TMEM132D: variants seen among roughly 807,000 people sequenced by gnomAD.
TMEM132D encodes the protein mature OL transmembrane protein.
Under a neutral mutation model 62.3 loss-of-function variants are expected in TMEM132D, and 21 were observed. That is an observed-to-expected ratio of 0.34 (90% CI 0.24 to 0.49). TMEM132D has a LOEUF of 0.49. Among genes scored for constraint, TMEM132D ranks in the 20% least tolerant of loss-of-function variants. The pLI is 0.99. For missense variants in TMEM132D, 1,346 were observed against 1,402.8 expected, an observed-to-expected ratio of 0.96 and a Z score of 0.65; for synonymous variants, 621 against 575.6, an observed-to-expected ratio of 1.08 and a Z score of -1.13.
intron 1 of TMEM132D, among the ~76,000 whole-genome samples, chr12:129,739,287 C>G (rs1263469214): frequency 6.6e-6 from 1 of 152,158 alleles, no homozygotes; most frequent in African/African-American, 2.4e-5. Flanking sequence ...CTCAGGGAAA[C>G]AGGTGTGGGT....
At chr12:129,397,433 T>C (rs2135698145) in intron 3 of TMEM132D, among the ~76,000 whole-genome samples, 1 of 152,264 alleles carries the variant, frequency 6.6e-6, no homozygotes, top group East Asian at 1.9e-4. Flanking sequence ...GCATGTAAAC[T>C]TTCTGACGAA....
intron 3 of TMEM132D, among the ~76,000 whole-genome samples, chr12:129,489,861 C>G (rs1874708679): frequency 2.6e-5 from 4 of 152,274 alleles, no homozygotes; most frequent in Middle Eastern, 6.8e-3. Flanking sequence ...CAATAATTTT[C>G]CAGACAACTG....
chr12:129,770,744 C>T (rs1252532210), intron 1 of TMEM132D, among the ~76,000 whole-genome samples: 1 of 152,126 alleles, frequency 6.6e-6, no homozygotes, highest in Non-Finnish European at 1.5e-5. Flanking sequence ...CAAAATCATC[C>T]ACCATAAAAC....
rs1307669161 is a variant in TMEM132D at position 129,823,661 on chromosome 12, T to C, written c.79+79600A>G. The stretch of plus-strand genomic sequence containing the variant: ...GAACACAGAGGCAGGTCAGTGTGTT[T>C]AGAATTCAGCTGTAGGAAGAATCGT... On this transcript the variant is annotated intron_variant, in intron 1 of 8. Transcript: ENST00000422113. 2.6e-5 allele frequency among the ~76,000 whole-genome samples: 4 copies of C among 152,326 alleles called. No individual in the cohort carries two copies. The East Asian group carries it at 7.7e-4, about 29-fold the overall frequency.
chr12:129,315,798 A>G (rs935400950), intron 4 of TMEM132D, among the ~76,000 whole-genome samples: 7 of 152,074 alleles, frequency 4.6e-5, no homozygotes, highest in African/African-American at 1.4e-4. Flanking sequence ...TAATTTTTAA[A>G]TTACCATTTC....
At chr12:129,466,352 G>A (rs998165730) in intron 3 of TMEM132D, among the ~76,000 whole-genome samples, 2 of 140,468 alleles carry the variant, frequency 1.4e-5, no homozygotes, top group African/African-American at 5.4e-5. Context: ...CTGTCACACA[G>A]GCTGGAGTGC....
intron 3 of TMEM132D, among the ~76,000 whole-genome samples, chr12:129,389,003 C>T (rs1382474139): frequency 1.6e-5 from 2 of 126,526 alleles, no homozygotes; most frequent in East Asian, 2.0e-4. Flanking sequence ...ACAGCAACAC[C>T]GATACTAACA....
intron 4 of TMEM132D, among the ~76,000 whole-genome samples, chr12:129,233,482 G>C (rs1222157551): frequency 1.3e-5 from 2 of 151,470 alleles, no homozygotes; most frequent in Non-Finnish European, 2.9e-5. Context: ...GTGAGGTCAG[G>C]ATTGATTCTA....
chr12:129,747,317 T>C (rs531305048), intron 1 of TMEM132D, among the ~76,000 whole-genome samples: 5 of 151,028 alleles, frequency 3.3e-5, no homozygotes, highest in African/African-American at 1.2e-4. Context: ...GATGTCCACA[T>C]AGCTCATTCT....
chr12:129,561,389 T>A (rs1877223512), intron 2 of TMEM132D, among the ~76,000 whole-genome samples: 2 of 152,212 alleles, frequency 1.3e-5, no homozygotes, highest in Admixed American at 6.5e-5. Flanking sequence ...ATGTATGTTC[T>A]CCAGAACTAA....
intron 1 of TMEM132D, among the ~76,000 whole-genome samples, chr12:129,835,890 C>T (rs1490191094): frequency 1.3e-5 from 2 of 152,206 alleles, no homozygotes; most frequent in East Asian, 3.9e-4. Context: ...CTCTTCCCCA[C>T]CATGGGAAGG....
At chr12:129,628,421 G>A (rs370378997) in intron 2 of TMEM132D, among the ~76,000 whole-genome samples, 15 of 152,314 alleles carry the variant, frequency 9.8e-5, no homozygotes, top group East Asian at 5.8e-4. Context: ...GGGATGTCTC[G>A]GCAGGGGCGG....
intron 1 of TMEM132D, among the ~76,000 whole-genome samples, chr12:129,760,171 T>C (rs1870305581): frequency 6.6e-6 from 1 of 152,018 alleles, no homozygotes; most frequent in Admixed American, 6.6e-5. Flanking sequence ...CCTCCCAAAG[T>C]GCTGAGATTA....
intron 1 of TMEM132D, among the ~76,000 whole-genome samples, chr12:129,844,697 C>A (rs1335666494): frequency 6.6e-6 from 1 of 152,178 alleles, no homozygotes; most frequent in Non-Finnish European, 1.5e-5. Context: ...GTAGTGAAAT[C>A]AATGCTTTCA....
intron 1 of TMEM132D, among the ~76,000 whole-genome samples, chr12:129,747,650 CAG>C (rs1869847733): frequency 1.3e-5 from 2 of 150,782 alleles, no homozygotes; most frequent in South Asian, 4.2e-4. Flanking sequence ...ATACATACAC[CAG>C]ACACAGACAC....
chr12:129,699,271 C>T (rs1267683133), intron 2 of TMEM132D, among the ~76,000 whole-genome samples: 2 of 152,168 alleles, frequency 1.3e-5, no homozygotes, highest in Non-Finnish European at 2.9e-5. Flanking sequence ...ATATTCTTCA[C>T]ACGTTATGCT....
intron 2 of TMEM132D, among the ~76,000 whole-genome samples, chr12:129,697,483 G>T (rs1173474150): frequency 1.4e-4 from 22 of 152,184 alleles, no homozygotes; most frequent in Admixed American, 1.4e-3. Context: ...TATGCAGCAA[G>T]CACATTATTA....
At chr12:129,512,614 A>T (rs187732159) in intron 3 of TMEM132D, among the ~76,000 whole-genome samples, 1 of 152,344 alleles carries the variant, frequency 6.6e-6, no homozygotes, top group African/African-American at 2.4e-5. Flanking sequence ...GTTTTAGCTC[A>T]TGAGTTATCA....
chr12:129,672,782 C>CTATA (rs1880529881), intron 2 of TMEM132D, among the ~76,000 whole-genome samples: 1 of 152,190 alleles, frequency 6.6e-6, no homozygotes, highest in Admixed American at 6.5e-5. Context: ...GACAGAGTCT[C>CTATA]TATTGTCCAG....
Sources: gnomAD v4.1 joint callset for allele counts (sites outside exome capture counted in the v4.1 genomes callset) on GRCh38, gnomAD v4.1.1 for gene constraint, MANE v1.5 for transcripts, NCBI Gene and HGNC (gene_info 2026-07-23, HGNC 2026-07-21) for gene names.